DST: variants seen among roughly 807,000 people sequenced by gnomAD.
DST encodes bullous pemphigoid antigen.
A neutral mutation model predicts 875.2 loss-of-function variants in DST; 253 were observed. The observed-to-expected ratio is 0.29, with a 90% CI of 0.26 to 0.32. The LOEUF (loss-of-function observed/expected upper bound fraction) is 0.32. DST is among the 10% of genes least tolerant of loss of function. The probability of loss-of-function intolerance (pLI) is 1.00; values close to 1 mark genes in which losing one functional copy is unlikely to be tolerated. For missense variants in DST, 8,287 were observed against 9,111.6 expected (o/e 0.91, Z 3.68); for synonymous variants, 3,124 against 3,197.1 (o/e 0.98, Z 0.77).
intron 103 of DST, among the ~76,000 whole-genome samples, chr6:56,459,619 T>C (rs531944513): frequency 8.5e-5 from 13 of 152,122 alleles, no homozygotes; most frequent in East Asian, 1.9e-4. Flanking sequence ...GATGCAAACA[T>C]AGAACAAACA....
chr6:56,514,848 T>C (rs1194576443), intron 72 of DST, among the ~76,000 whole-genome samples: 2 of 152,212 alleles, frequency 1.3e-5, no homozygotes, highest in Non-Finnish European at 1.5e-5. Flanking sequence ...GTTTAAAATG[T>C]GATGTAACTG....
At position 56,916,774 on chromosome 6, in the gene DST, T is replaced by TCA. The variant is rs1275596111; in HGVS notation, c.217-16154_217-16153insTG. On this transcript the variant is annotated intron_variant, in intron 2 of 103. Transcript: ENST00000680361. ...CTCTATCTCTCTCTCTCTCTCTCTC[T>TCA]CTCTCACACACACACACACACACAC... 1.5e-3 allele frequency among the ~76,000 whole-genome samples: 131 copies of TCA among 88,504 alleles called. 1 individual carries two copies. The highest frequency in any genetic ancestry group is 0.012 in the East Asian group (34 of 2,836). The allele number at this position is 88,504 out of a possible 152,430, so 58.1% of individuals were successfully genotyped here.
chr6:56,479,052 G>C (rs1178332469), intron 90 of DST, among the ~76,000 whole-genome samples: 2 of 152,014 alleles, frequency 1.3e-5, no homozygotes, highest in Non-Finnish European at 2.9e-5. Flanking sequence ...GAATCTGCAA[G>C]GAACTCAAAC....
intron 2 of DST, among the ~76,000 whole-genome samples, chr6:56,938,371 G>A (rs1008185810): frequency 6.6e-6 from 1 of 151,794 alleles, no homozygotes; most frequent in Non-Finnish European, 1.5e-5. Context: ...CAACCCTCCC[G>A]TCTCAGCCTC....
At chr6:56,776,919 G>A (rs1244637297) in intron 4 of DST, among the ~76,000 whole-genome samples, 1 of 152,004 alleles carries the variant, frequency 6.6e-6, no homozygotes, top group African/African-American at 2.4e-5. Flanking sequence ...AACATACCAG[G>A]GAAAAGTCAG....
intron 3 of DST, among the ~76,000 whole-genome samples, chr6:56,888,107 T>C (rs961791974): frequency 6.6e-6 from 1 of 151,812 alleles, no homozygotes; most frequent in Non-Finnish European, 1.5e-5. Context: ...CGTGCCACCA[T>C]GCCCAGCTAA....
chr6:56,648,745 C>T (rs2098958470), intron 12 of DST, 56 bp from the exon 13 acceptor site: 2 of 1,414,464 alleles, frequency 1.4e-6, no homozygotes, highest in East Asian at 5.2e-5. Flanking sequence ...ACATTCATAT[C>T]TAAGACAATT....
At chr6:56,631,118 A>G in intron 30 of DST, 93 bp downstream of exon 30, 2 of 503,164 alleles carry the variant, frequency 4.0e-6, no homozygotes, top group Non-Finnish European at 5.9e-6. Flanking sequence ...AAAAGTTAAT[A>G]TTTATATTAA....
chr6:56,524,745 T>C (rs994821394), intron 69 of DST, among the ~76,000 whole-genome samples: 52 of 152,036 alleles, frequency 3.4e-4, no homozygotes, highest in African/African-American at 1.1e-3. Flanking sequence ...TAGTAAGACT[T>C]TTACTATATA....
chr6:56,670,997 A>T (rs2099098413), intron 9 of DST, among the ~76,000 whole-genome samples, 190 bp from the exon 10 acceptor site: 1 of 152,188 alleles, frequency 6.6e-6, no homozygotes, highest in Non-Finnish European at 1.5e-5. Flanking sequence ...CACATGTAGA[A>T]AGTTATCAAA....
intron 4 of DST, among the ~76,000 whole-genome samples, chr6:56,758,097 CA>C (rs2099608556): frequency 3.9e-5 from 6 of 152,198 alleles, no homozygotes; most frequent in Admixed American, 3.9e-4. Flanking sequence ...ACAACTGTAG[CA>C]GAAACTTTTC....
chr6:56,730,519 G>A (rs2099493382), intron 5 of DST, among the ~76,000 whole-genome samples: 1 of 152,116 alleles, frequency 6.6e-6, no homozygotes, highest in South Asian at 2.1e-4. Context: ...TATAAAGAGG[G>A]AGTACCTAGT....
Position 56,555,703 on chromosome 6 carries a change from T to C in DST, c.14778A>G (p.Gln4926=), listed in dbSNP as rs765261790. 120 of 1,611,614 alleles carry C rather than the reference T, an allele frequency of 7.4e-5. No homozygotes were observed. The highest frequency in any genetic ancestry group is 5.1e-6 in the Non-Finnish European group (6 of 1,177,856). ...IVKEQLAAVT[Q]KWDSLTGQLS... is the part of the protein sequence containing the mutation. ...ATTGCCCTGTTAGGCTATCCCATTT[T>C]TGGGTCACAGCTGCCAGTTGCTCTT... is the stretch of plus-strand genomic sequence containing the variant. Residue 4926 remains glutamine (Q), a synonymous_variant, in exon 60 of 104, where the codon CAA becomes CAG. Coordinates refer to ENST00000680361, the MANE Select transcript of DST (RefSeq NM_001374736.1).
chr6:56,787,246 T>C (rs762909759), intron 4 of DST, among the ~76,000 whole-genome samples: 10 of 152,308 alleles, frequency 6.6e-5, no homozygotes, highest in South Asian at 2.1e-4. Context: ...TGAGCACATA[T>C]AGTGAAATGC....
chr6:56,639,452 C>T lies in DST; in HGVS notation c.2857G>A (p.Ala953Thr). 1.2e-6 allele frequency: 2 copies of T among 1,613,716 alleles called. No individual in the cohort carries two copies. The highest frequency in any genetic ancestry group is 1.7e-6 in the Non-Finnish European group (2 of 1,179,882). The change falls in exon 21 of 104, where the codon GCT (alanine) becomes ACT (threonine). Residue 953 changes from alanine to threonine, a missense_variant and splice_region_variant. Transcript: ENST00000680361. ...TNIARKKDYH[A>T]ELMRELDQKE... ...GCAAGTACAAAGGGTGTACTTACAG[C>T]ATGATAATCTTTTTTCCTAGCTATG... is the stretch of plus-strand genomic sequence containing the variant.
chr6:56,860,146 C>T (rs534542182), intron 3 of DST, among the ~76,000 whole-genome samples: 133 of 152,260 alleles, frequency 8.7e-4, no homozygotes, highest in Non-Finnish European at 1.6e-3. Flanking sequence ...AGAAAGGACA[C>T]GTAAAGGACC....
intron 4 of DST, among the ~76,000 whole-genome samples, chr6:56,824,634 G>A (rs570192905): frequency 6.6e-5 from 10 of 152,088 alleles, no homozygotes; most frequent in Non-Finnish European, 1.2e-4. Flanking sequence ...TCTGGGATGT[G>A]AGGAGCGCCT....
At chr6:56,872,719 T>C (rs950280251) in intron 3 of DST, among the ~76,000 whole-genome samples, 1 of 152,002 alleles carries the variant, frequency 6.6e-6, no homozygotes, top group South Asian at 2.1e-4. Flanking sequence ...TCTTAGCTTT[T>C]GTTTTGAGTG....
rs140559858 is a variant in DST, at chr6:56,489,039, T to C, written c.20877+451A>G. On this transcript the variant is annotated intron_variant, in intron 86 of 103. Coordinates refer to ENST00000680361, the MANE Select transcript of DST (RefSeq NM_001374736.1). ...ATAAAATATTAATTTACAATTTAGG[T>C]ACAAGCATCCAATTTTTCTCACTCT... 2.0e-3 allele frequency among the ~76,000 whole-genome samples: 307 copies of C among 152,304 alleles called. 1 individual carries two copies. The highest frequency in any genetic ancestry group is 7.2e-3 in the African/African-American group (300 of 41,580).
Sources: allele counts gnomAD v4.1 joint callset (sites outside exome capture counted in the v4.1 genomes callset), GRCh38; gene constraint gnomAD v4.1.1; transcripts MANE v1.5; gene names NCBI Gene and HGNC (gene_info 2026-07-23, HGNC 2026-07-21).